The following FAM24B variants were observed in gnomAD, a reference collection of about 807,000 sequenced individuals.
FAM24B encodes the protein protein FAM24B.
FAM24B carries 3 observed loss-of-function variants against 2.3 expected under a neutral mutation model. The observed-to-expected ratio is 1.29, with a 90% CI of 0.59 to 3.32. FAM24B has a LOEUF of 3.32. Among genes scored for constraint, FAM24B ranks in the 30% most tolerant of loss-of-function variants. FAM24B has a pLI of 0.03. For missense variants in FAM24B, 98 were observed against 117.2 expected, an observed-to-expected ratio of 0.84 and a Z score of 0.76; for synonymous variants, 36 against 46.3, an observed-to-expected ratio of 0.78 and a Z score of 0.90.
At chr10:122,868,440 A>C (rs1437203460) in intron 1 of FAM24B, among the ~76,000 whole-genome samples, 3 of 152,200 alleles carry the variant, frequency 2.0e-5, no homozygotes, top group Non-Finnish European at 4.4e-5. Context: ...GAACGCCACA[A>C]AGATACTCCT....
intron 1 of FAM24B, among the ~76,000 whole-genome samples, chr10:122,865,307 A>AT (rs976671664): frequency 6.6e-6 from 1 of 151,932 alleles, no homozygotes; most frequent in African/African-American, 2.4e-5. Context: ...AGTTTGCTGA[A>AT]TTTTTTTTAT....
At chr10:122,849,548 A>G (rs2133822615) in intron 3 of FAM24B, 109 bp from the exon 4 acceptor site, 1 of 917,482 alleles carries the variant, frequency 1.1e-6, no homozygotes, top group East Asian at 2.7e-5. Context: ...CCAGTCAAAC[A>G]TGAACACCAG....
chr10:122,873,133 G>A (rs1005233573), intron 1 of FAM24B, among the ~76,000 whole-genome samples: 7 of 152,112 alleles, frequency 4.6e-5, no homozygotes, highest in Admixed American at 2.0e-4. Flanking sequence ...TTTCAGTATA[G>A]ATGAAAACAG....
At chr10:122,851,147 A>G (rs1379757203) in intron 2 of FAM24B, among the ~76,000 whole-genome samples, 1 of 152,226 alleles carries the variant, frequency 6.6e-6, no homozygotes, top group East Asian at 1.9e-4. Flanking sequence ...ATTTGAGATA[A>G]TAAATTAGTT....
chr10:122,864,972 A>C lies in FAM24B; in HGVS notation c.-177-9186T>G, dbSNP rs928540698. Among the ~76,000 whole-genome samples the C allele has an allele frequency of 5.3e-5, 8 of 152,342 alleles. No individual in the cohort carries two copies. In the South Asian group the frequency reaches 6.2e-4, roughly 12 times the overall value. On this transcript the variant is annotated intron_variant, in intron 1 of 3. Transcript: ENST00000368898. ...AGTTTCTTTAGTTACCTACTGAAGG[A>C]CATCTTAGTTGCTTCCAGCTTTTGC... is the stretch of plus-strand genomic sequence containing the variant.
chr10:122,860,058 C>A (rs1847703675), intron 1 of FAM24B, among the ~76,000 whole-genome samples: 1 of 151,942 alleles, frequency 6.6e-6, no homozygotes. Context: ...TTAACTTGCA[C>A]ACAGTAAAGT....
intron 2 of FAM24B, among the ~76,000 whole-genome samples, chr10:122,853,890 C>T (rs1037459399): frequency 3.9e-5 from 6 of 152,170 alleles, no homozygotes; most frequent in African/African-American, 1.2e-4. Flanking sequence ...CTTCATCTCT[C>T]GGTTTCCCTC....
At chr10:122,852,603 GAAGTT>G (rs1307378729) in intron 2 of FAM24B, among the ~76,000 whole-genome samples, 1 of 152,178 alleles carries the variant, frequency 6.6e-6, no homozygotes, top group Non-Finnish European at 1.5e-5. Flanking sequence ...TGCCACCCCA[GAAGTT>G]AAGTGGAAAG....
chr10:122,850,350 A>G, intron 3 of FAM24B, 74 bp downstream of exon 3: 1 of 1,220,728 alleles, frequency 8.2e-7, no homozygotes, highest in Non-Finnish European at 1.2e-6. Flanking sequence ...CAGGTATCCC[A>G]CTGAGGAAGT....
chr10:122,850,206 A>C (rs971214668), intron 3 of FAM24B, among the ~76,000 whole-genome samples: 2 of 152,116 alleles, frequency 1.3e-5, no homozygotes, highest in Admixed American at 1.3e-4. Flanking sequence ...ACATTCTACC[A>C]ACCCCAGCCA....
At chr10:122,869,191 C>T (rs1228667165) in intron 1 of FAM24B, among the ~76,000 whole-genome samples, 1 of 152,028 alleles carries the variant, frequency 6.6e-6, no homozygotes, top group Non-Finnish European at 1.5e-5. Context: ...CAAAGAAGGC[C>T]ATTACATAAT....
intron 1 of FAM24B, among the ~76,000 whole-genome samples, chr10:122,876,551 TCTAA>T (rs748155898): frequency 6.6e-6 from 1 of 152,222 alleles, no homozygotes; most frequent in Non-Finnish European, 1.5e-5. Context: ...CCCAGGAGTT[TCTAA>T]CTGTCAAGCT....
intron 1 of FAM24B, among the ~76,000 whole-genome samples, chr10:122,872,957 T>TA (rs1847920906): frequency 6.6e-6 from 1 of 151,488 alleles, no homozygotes; most frequent in African/African-American, 2.4e-5. Flanking sequence ...TAAAATAAAA[T>TA]AAAAAAAGAA....
At chr10:122,872,799 G>A (rs1847917826) in intron 1 of FAM24B, among the ~76,000 whole-genome samples, 1 of 152,110 alleles carries the variant, frequency 6.6e-6, no homozygotes, top group Non-Finnish European at 1.5e-5. Flanking sequence ...GGTGGGAGGA[G>A]GGGGGACGGA....
In FAM24B at chr10:122,850,464, C is replaced by CA. The variant is rs748657881; in HGVS notation, c.51dup (p.Val18CysfsTer20). ...ATTTTGAAGTAAAGACAGAGCACGA[C>CA]AACTATCAGCAGGAGCAAGGCCGCC... On this transcript the variant is annotated frameshift_variant, in exon 3 of 4. Coordinates refer to ENST00000368898, the MANE Select transcript of FAM24B (RefSeq NM_152644.3). LOFTEE classifies it low-confidence loss of function (END_TRUNC). The CA allele has an allele frequency of 6.2e-7, 1 of 1,613,994 alleles. No homozygotes were observed. Among genetic ancestry groups the CA allele is most frequent in the Non-Finnish European group, 8.5e-7 (1 of 1,180,016 alleles).
At chr10:122,877,997 T>G (rs1039527885) in intron 1 of FAM24B, among the ~76,000 whole-genome samples, 4 of 152,170 alleles carry the variant, frequency 2.6e-5, no homozygotes, top group African/African-American at 7.2e-5. Context: ...AATGTGAGAA[T>G]TATTTGGTAA....
At chr10:122,861,538 G>T (rs1247956534) in intron 1 of FAM24B, among the ~76,000 whole-genome samples, 1 of 152,126 alleles carries the variant, frequency 6.6e-6, no homozygotes, top group East Asian at 1.9e-4. Flanking sequence ...GGGGAGAATT[G>T]ACATCTTCAT....
At chr10:122,856,155 C>T (rs1369865932) in intron 1 of FAM24B, among the ~76,000 whole-genome samples, 1 of 151,816 alleles carries the variant, frequency 6.6e-6, no homozygotes, top group Non-Finnish European at 1.5e-5. Flanking sequence ...CCAGGTATCC[C>T]ATTTGAAGGG....
chr10:122,873,671 C>T (rs1847934609), intron 1 of FAM24B, among the ~76,000 whole-genome samples: 2 of 152,132 alleles, frequency 1.3e-5, no homozygotes, highest in Non-Finnish European at 2.9e-5. Context: ...CTTAGGTGTG[C>T]CTATATATTG....
Sources: gnomAD v4.1 joint callset for allele counts (sites outside exome capture counted in the v4.1 genomes callset) on GRCh38, gnomAD v4.1.1 for gene constraint, MANE v1.5 for transcripts, NCBI Gene and HGNC (gene_info 2026-07-23, HGNC 2026-07-21) for gene names.